MLLT10: variants seen among roughly 807,000 people sequenced by gnomAD.
MLLT10 encodes MLLT10 histone lysine methyltransferase DOT1L cofactor.
Under a neutral mutation model 129.1 loss-of-function variants are expected in MLLT10, and 30 were observed. That is an observed-to-expected ratio of 0.23 (90% CI 0.17 to 0.32). The LOEUF (loss-of-function observed/expected upper bound fraction) is 0.32. Ranked by LOEUF, MLLT10 falls within the 10% of genes least tolerant of loss-of-function variation. The pLI is 1.00. For missense variants in MLLT10, 1,119 were observed against 1,268.3 expected, an observed-to-expected ratio of 0.88 and a Z score of 1.79; for synonymous variants, 490 against 446.4, an observed-to-expected ratio of 1.10 and a Z score of -1.23.
intron 13 of MLLT10, among the ~76,000 whole-genome samples, chr10:21,685,419 C>T (rs2053201852): frequency 6.6e-6 from 1 of 152,132 alleles, no homozygotes; most frequent in Admixed American, 6.6e-5. Context: ...ATTGCAACCT[C>T]TGCCTCCTGA....
intron 3 of MLLT10, among the ~76,000 whole-genome samples, chr10:21,578,597 A>G (rs747566969): frequency 7.9e-5 from 12 of 152,198 alleles, no homozygotes; most frequent in Non-Finnish European, 1.8e-4. Context: ...TAGCTCTTAC[A>G]TTTAGATCTG....
At chr10:21,596,648 A>AT (rs938365129) in intron 5 of MLLT10, among the ~76,000 whole-genome samples, 21 of 151,858 alleles carry the variant, frequency 1.4e-4, no homozygotes, top group Admixed American at 4.6e-4. Context: ...AAAAAAAAAA[A>AT]ATATTAAAAT....
chr10:21,670,910 T>C (rs1162361590), intron 10 of MLLT10: 4 of 506,390 alleles, frequency 7.9e-6, no homozygotes, highest in South Asian at 3.7e-5. Flanking sequence ...TTTTATAATA[T>C]GATTTGTGCT....
intron 8 of MLLT10, among the ~76,000 whole-genome samples, chr10:21,638,162 AG>A (rs2047632838): frequency 6.8e-6 from 1 of 146,268 alleles, no homozygotes; most frequent in Non-Finnish European, 1.5e-5. Context: ...CATATAATAC[AG>A]GGGATGGCAA....
At chr10:21,685,371 G>C in intron 13 of MLLT10, among the ~76,000 whole-genome samples, 1 of 152,312 alleles carries the variant, frequency 6.6e-6, no homozygotes, top group East Asian at 1.9e-4. Context: ...GTCTCACTCT[G>C]TTGCACAGGC....
intron 3 of MLLT10, among the ~76,000 whole-genome samples, chr10:21,544,975 G>A (rs1328981348): frequency 6.6e-6 from 1 of 152,126 alleles, no homozygotes; most frequent in Non-Finnish European, 1.5e-5. Context: ...GAGAAACTCC[G>A]TCTGTACTAA....
chr10:21,710,643 G>A (rs2055988159), intron 13 of MLLT10, among the ~76,000 whole-genome samples: 1 of 152,130 alleles, frequency 6.6e-6, no homozygotes, highest in Non-Finnish European at 1.5e-5. Flanking sequence ...TGTTCTATAT[G>A]TAGGAGTTCT....
intron 8 of MLLT10, among the ~76,000 whole-genome samples, chr10:21,629,043 C>T (rs567314909): frequency 6.6e-5 from 10 of 151,852 alleles, no homozygotes; most frequent in African/African-American, 1.9e-4. Context: ...CACACCCAGC[C>T]GCTGGAGGAT....
At chr10:21,580,680 A>G (rs1243191) in intron 3 of MLLT10, among the ~76,000 whole-genome samples, 136,805 of 151,838 alleles carry the variant, frequency 0.9, 61,915 homozygotes, top group East Asian at 1. Flanking sequence ...GTGAGCCTCC[A>G]CACCCGTCCT....
chr10:21,720,507 A>G (rs1380108613), intron 14 of MLLT10, among the ~76,000 whole-genome samples: 6 of 152,234 alleles, frequency 3.9e-5, no homozygotes, highest in Admixed American at 2.6e-4. Context: ...TCTAATGTTC[A>G]TTCATGTTTT....
chr10:21,571,298 C>G, intron 3 of MLLT10, among the ~76,000 whole-genome samples: 1 of 152,152 alleles, frequency 6.6e-6, no homozygotes, highest in Non-Finnish European at 1.5e-5. Context: ...CTAGGGTGAG[C>G]CTTTGTAGAT....
intron 5 of MLLT10, among the ~76,000 whole-genome samples, chr10:21,599,898 A>G (rs2043360658): frequency 6.6e-6 from 1 of 152,200 alleles, no homozygotes; most frequent in Non-Finnish European, 1.5e-5. Context: ...AGACTAAAAT[A>G]GTTCAAGTAG....
At chr10:21,654,252 T>C (rs998848988) in intron 9 of MLLT10, among the ~76,000 whole-genome samples, 1 of 151,944 alleles carries the variant, frequency 6.6e-6, no homozygotes, top group Non-Finnish European at 1.5e-5. Flanking sequence ...AGCAGAAGAA[T>C]AGGTTAGGGA....
At chr10:21,737,780 T>G (rs1184495833) in intron 21 of MLLT10, among the ~76,000 whole-genome samples, 3 of 152,174 alleles carry the variant, frequency 2.0e-5, no homozygotes, top group Non-Finnish European at 4.4e-5. Flanking sequence ...CCTAGCACTC[T>G]TCATTCAGTT....
intron 22 of MLLT10, among the ~76,000 whole-genome samples, chr10:21,740,450 T>G (rs1244497196): frequency 6.6e-6 from 1 of 152,236 alleles, no homozygotes; most frequent in Non-Finnish European, 1.5e-5. Context: ...GAAGGCTGTT[T>G]TGTAATTCAG....
intron 8 of MLLT10, among the ~76,000 whole-genome samples, chr10:21,633,281 G>C (rs557230291): frequency 3.9e-4 from 60 of 152,320 alleles, no homozygotes; most frequent in African/African-American, 1.4e-3. Flanking sequence ...AAACACAGGA[G>C]CATCTTAGTT....
intron 5 of MLLT10, 37 bp from the exon 6 acceptor site, chr10:21,612,311 A>G: frequency 7.8e-7 from 1 of 1,274,462 alleles, no homozygotes. Flanking sequence ...TGTTAAGAAC[A>G]TGTATGATTT....
chr10:21,673,318 C>CCCCCCATT (rs1564622986), intron 10 of MLLT10, 32 bp from the exon 11 acceptor site: 1 of 295,856 alleles, frequency 3.4e-6, no homozygotes, highest in Non-Finnish European at 5.2e-6. Context: ...CACCCCCCAA[C>CCCCCCATT]TTTTTTTTTT....
chr10:21,730,447 A>G lies in MLLT10; in HGVS notation c.2064-453A>G, dbSNP rs553095534. Among the ~76,000 whole-genome samples the G allele has an allele frequency of 3.9e-5, 6 of 152,246 alleles. No homozygotes were observed. In the South Asian group the frequency reaches 1.2e-3, roughly 32 times the overall value. On this transcript the variant is annotated intron_variant, in intron 16 of 22. Transcript: ENST00000307729. ...TCTTTTTAGTGACATTTGAGATTTTAGTTGGTTGTAAATTCAAATACCTTT... is the reference window on the plus strand; with the variant it reads ...TCTTTTTAGTGACATTTGAGATTTTGGTTGGTTGTAAATTCAAATACCTTT...
Sources: gnomAD v4.1 joint callset for allele counts (sites outside exome capture counted in the v4.1 genomes callset) on GRCh38, gnomAD v4.1.1 for gene constraint, MANE v1.5 for transcripts, NCBI Gene and HGNC (gene_info 2026-07-23, HGNC 2026-07-21) for gene names.